ZNF292: variants seen among roughly 807,000 people sequenced by gnomAD.
ZNF292 encodes zinc finger protein 292, also known as 16 zinc-finger domain protein.
ZNF292 carries 26 observed loss-of-function variants against 217.9 expected under a neutral mutation model. The ratio of observed to expected loss-of-function variants is 0.12; its 90% CI spans 0.09 to 0.17. ZNF292 has a LOEUF of 0.17. Among genes scored for constraint, ZNF292 ranks in the 10% least tolerant of loss-of-function variants. The pLI is 1.00. For missense variants in ZNF292, 2,904 were observed against 3,175.2 expected (o/e 0.91, Z 2.05); for synonymous variants, 1,257 against 1,124.1 (o/e 1.12, Z -2.37).
Position 87,259,670 on chromosome 6 carries a change from AAAAT to A in ZNF292, c.6045_6048del (p.Asn2015LysfsTer8). 6.3e-7 allele frequency: 1 copy of A among 1,591,746 alleles called. No homozygotes were observed. On this transcript the variant is annotated frameshift_variant, in exon 8 of 8. Coordinates refer to ENST00000369577, the MANE Select transcript of ZNF292 (RefSeq NM_015021.3). LOFTEE classifies it high-confidence loss of function. ...AAAAAACAGCTAGCTATGACAGAGG[AAAAT>A]AAAAAGGAATCTCAGCCTGCTTTAG...
intron 7 of ZNF292, among the ~76,000 whole-genome samples, chr6:87,251,715 C>A (rs1486043443): frequency 1.3e-5 from 2 of 152,188 alleles, no homozygotes; most frequent in African/African-American, 4.8e-5. Context: ...TGCTGTATAG[C>A]CAGTTTATGA....
At chr6:87,183,275 T>C (rs1192132201) in intron 1 of ZNF292, among the ~76,000 whole-genome samples, 1 of 152,188 alleles carries the variant, frequency 6.6e-6, no homozygotes, top group Admixed American at 6.5e-5. Context: ...AATAGAATGC[T>C]TTGCAATAGA....
At chr6:87,225,695 CAAG>C (rs756913016) in intron 4 of ZNF292, among the ~76,000 whole-genome samples, 33 of 152,114 alleles carry the variant, frequency 2.2e-4, no homozygotes, top group Non-Finnish European at 4.3e-4. Context: ...TACAGTTTTG[CAAG>C]AAGTACCATC....
At chr6:87,214,323 A>C (rs1270850735) in intron 1 of ZNF292, among the ~76,000 whole-genome samples, 1 of 152,108 alleles carries the variant, frequency 6.6e-6, no homozygotes, top group Non-Finnish European at 1.5e-5. Context: ...GGAACTTAAA[A>C]GATCAGGAAT....
Position 87,259,166 on chromosome 6 carries a change from A to G in ZNF292, c.5537A>G (p.Lys1846Arg), listed in dbSNP as rs1562191014. ...QIQEILEGLQ[K>R]LKLENDLSTP... is the part of the protein sequence containing the mutation. ...CAGGAAATTTTAGAAGGCTTACAGA[A>G]ATTAAAATTAGAAAATGACCTATCC... Residue 1846 changes from lysine to arginine, a missense_variant, in exon 8 of 8, where the codon AAA (lysine) becomes AGA (arginine). Around this residue, in one of 15 missense-constraint regions of ZNF292, gnomAD observed 622 missense variants for 573.1 expected, o/e 1.09. Coordinates refer to ENST00000369577, the MANE Select transcript of ZNF292 (RefSeq NM_015021.3). 1 of 1,613,464 alleles carries G rather than the reference A, an allele frequency of 6.2e-7. No individual in the cohort carries two copies. The highest frequency in any genetic ancestry group is 8.5e-7 in the Non-Finnish European group (1 of 1,179,662).
intron 1 of ZNF292, among the ~76,000 whole-genome samples, chr6:87,193,062 T>C (rs1032705193): frequency 5.9e-5 from 9 of 152,188 alleles, no homozygotes; most frequent in Non-Finnish European, 8.8e-5. Context: ...GCAACTCGGC[T>C]CACTGCAGCC....
intron 4 of ZNF292, among the ~76,000 whole-genome samples, chr6:87,219,610 A>G (rs1035784280): frequency 6.6e-6 from 1 of 152,130 alleles, no homozygotes; most frequent in African/African-American, 2.4e-5. Flanking sequence ...TTCCCAGCCA[A>G]TCTTCAAACT....
At chr6:87,236,960 G>A (rs1027797829) in intron 5 of ZNF292, among the ~76,000 whole-genome samples, 2 of 151,984 alleles carry the variant, frequency 1.3e-5, no homozygotes, top group African/African-American at 4.8e-5. Context: ...GGAGTATACT[G>A]GTAGGGTAAA....
At chr6:87,195,051 A>G (rs145030989) in intron 1 of ZNF292, among the ~76,000 whole-genome samples, 315 of 152,316 alleles carry the variant, frequency 2.1e-3, no homozygotes, top group Admixed American at 3.3e-3. Flanking sequence ...ATAAGGACTA[A>G]GTTTTAGAAA....
At chr6:87,189,559 A>G (rs1771768897) in intron 1 of ZNF292, among the ~76,000 whole-genome samples, 1 of 152,098 alleles carries the variant, frequency 6.6e-6, no homozygotes, top group Non-Finnish European at 1.5e-5. Context: ...TTTTAGGAGT[A>G]ATGGCCATGT....
rs1308669691 is a variant in ZNF292 at position 87,264,261 on chromosome 6, C to G, written c.*2460C>G. The G allele has an allele frequency of 1.3e-5, 2 of 152,154 alleles. No homozygotes were observed. Among genetic ancestry groups the G allele is most frequent in the African/African-American group, 4.8e-5 (2 of 41,432 alleles). The allele number at this position is 152,154 out of a possible 1,614,324, so 9.4% of individuals were successfully genotyped here. On this transcript the variant is annotated 3_prime_UTR_variant, in exon 8 of 8. Coordinates refer to ENST00000369577, the MANE Select transcript of ZNF292 (RefSeq NM_015021.3). ...GCCTAAATTTGCTAAAGTTTCATCA[C>G]TAAAAAGTAGGAGTTTTTCCTCTTC...
chr6:87,255,652 C>T lies in ZNF292; in HGVS notation c.2023C>T (p.Pro675Ser), dbSNP rs752579678. ...YEPEVIPVQK[P>S]VPVNEFNCPV... The stretch of plus-strand genomic sequence containing the variant: ...GCCAGAAGTGATTCCAGTCCAGAAA[C>T]CAGTACCTGTTAATGAATTTAATTG... Residue 675 changes from proline to serine, a missense_variant, in exon 8 of 8, where the codon CCA (proline) becomes TCA (serine). Physicochemically the swap from Pro to Ser is moderately conservative, Grantham distance 74. Transcript: ENST00000369577. The T allele has an allele frequency of 7.1e-5, 115 of 1,612,986 alleles. 2 individuals are homozygous for T. The South Asian group carries it at 1.1e-3, about 16-fold the overall frequency.
rs1197572625 is a variant in ZNF292 at position 87,263,924 on chromosome 6, T to C, written c.*2123T>C. 6.6e-6 allele frequency: 1 copy of C among 152,146 alleles called. No individual in the cohort carries two copies. Among genetic ancestry groups the C allele is most frequent in the Non-Finnish European group, 1.5e-5 (1 of 68,014 alleles). 9.4% of individuals were successfully genotyped at this position (152,146 alleles called of 1,614,324 possible). ...GAAAATGCCAATGTATTGGGGCTTT[T>C]CTTTTGCTCATTAGCTTAAGAAAAT... is the stretch of plus-strand genomic sequence containing the variant. On this transcript the variant is annotated 3_prime_UTR_variant, in exon 8 of 8. Coordinates refer to ENST00000369577, the MANE Select transcript of ZNF292 (RefSeq NM_015021.3).
intron 1 of ZNF292, among the ~76,000 whole-genome samples, chr6:87,199,659 A>T (rs4605853): frequency 0.63 from 95,302 of 152,058 alleles, 31,356 homozygotes; most frequent in African/African-American, 0.83. Context: ...GCATGTAGAT[A>T]TTCAGTTGTC....
chr6:87,165,761 T>TC (rs1310790411), intron 1 of ZNF292, among the ~76,000 whole-genome samples: 3 of 148,938 alleles, frequency 2.0e-5, no homozygotes, highest in South Asian at 2.1e-4. Flanking sequence ...ACATTTCTTT[T>TC]TTTTTTTTTT....
At chr6:87,159,261 C>T (rs189675468) in intron 1 of ZNF292, among the ~76,000 whole-genome samples, 2 of 151,944 alleles carry the variant, frequency 1.3e-5, no homozygotes, top group African/African-American at 2.4e-5. Context: ...AAGCCACCTG[C>T]CCCCCCTTTG....
chr6:87,252,144 T>G (rs896688564), intron 7 of ZNF292, among the ~76,000 whole-genome samples: 1 of 151,930 alleles, frequency 6.6e-6, no homozygotes, highest in East Asian at 1.9e-4. Flanking sequence ...TTGTTTGTTT[T>G]TTTTTTGTTT....
chr6:87,201,898 T>A (rs1332011414), intron 1 of ZNF292, among the ~76,000 whole-genome samples: 1 of 152,248 alleles, frequency 6.6e-6, no homozygotes, highest in Admixed American at 6.5e-5. Flanking sequence ...CTCTCACATA[T>A]ATGTAATTCT....
chr6:87,180,148 C>T (rs1015704412), intron 1 of ZNF292, among the ~76,000 whole-genome samples: 3 of 152,134 alleles, frequency 2.0e-5, no homozygotes, highest in African/African-American at 7.2e-5. Flanking sequence ...TGAGCTGAAT[C>T]GCAAAACAAA....
Sources: gnomAD v4.1 joint callset for allele counts (sites outside exome capture counted in the v4.1 genomes callset) on GRCh38, gnomAD v4.1.1 for gene constraint, gnomAD v4.1.1 regional missense constraint, MANE v1.5 for transcripts, NCBI Gene and HGNC (gene_info 2026-07-23, HGNC 2026-07-21) for gene names.